CFAP221: variants seen among roughly 807,000 people sequenced by gnomAD.
The protein encoded by CFAP221 is cilia and flagella associated protein 221, also known as cilia- and flagella-associated protein 221.
A neutral mutation model predicts 113.1 loss-of-function variants in CFAP221; 97 were observed. The ratio of observed to expected loss-of-function variants is 0.86; its 90% confidence interval spans 0.73 to 1.02. The LOEUF is 1.02. CFAP221 is among the 50% of genes least tolerant of loss of function. The pLI is 0.00. For missense variants in CFAP221, 1,025 were observed against 1,013.4 expected (o/e 1.01, Z -0.16); for synonymous variants, 331 against 354.4 (o/e 0.93, Z 0.74).
At chr2:119,605,089 C>T in intron 10 of CFAP221, 92 bp from the exon 11 acceptor site, 1 of 1,443,430 alleles carries the variant, frequency 6.9e-7, no homozygotes. Flanking sequence ...AGTTAGATTG[C>T]TGTTATGCCT....
intron 21 of CFAP221, among the ~76,000 whole-genome samples, chr2:119,644,748 A>G (rs1239302107): frequency 1.3e-5 from 2 of 152,164 alleles, no homozygotes; most frequent in African/African-American, 4.8e-5. Context: ...AAACACACAT[A>G]TACATATCCA....
chr2:119,587,313 C>A, intron 7 of CFAP221, 91 bp downstream of exon 7: 2 of 850,936 alleles, frequency 2.4e-6, no homozygotes, highest in Non-Finnish European at 3.4e-6. Flanking sequence ...ATGAATTTTA[C>A]ACATAACTGA....
chr2:119,606,105 G>A (rs1316122229), intron 11 of CFAP221, among the ~76,000 whole-genome samples: 1 of 151,868 alleles, frequency 6.6e-6, no homozygotes, highest in Non-Finnish European at 1.5e-5. Context: ...CCAGCCTAAA[G>A]TGATCCTCCC....
intron 7 of CFAP221, among the ~76,000 whole-genome samples, chr2:119,597,089 A>G (rs1021804457): frequency 3.9e-5 from 6 of 152,214 alleles, no homozygotes; most frequent in African/African-American, 1.4e-4. Flanking sequence ...AATACACAAT[A>G]AATTGTTTCT....
intron 14 of CFAP221, among the ~76,000 whole-genome samples, chr2:119,619,922 G>A (rs2104727878): frequency 6.6e-6 from 1 of 152,226 alleles, no homozygotes; most frequent in South Asian, 2.1e-4. Context: ...GAAAAACACA[G>A]CACGAGAACT....
At chr2:119,629,243 T>C (rs1352690500) in intron 16 of CFAP221, among the ~76,000 whole-genome samples, 1 of 152,184 alleles carries the variant, frequency 6.6e-6, no homozygotes, top group African/African-American at 2.4e-5. Flanking sequence ...CCAGATCCTC[T>C]GGGTGTTTGA....
chr2:119,652,731 G>A (rs563561801), intron 23 of CFAP221, among the ~76,000 whole-genome samples: 1 of 152,080 alleles, frequency 6.6e-6, no homozygotes, highest in Non-Finnish European at 1.5e-5. Context: ...AAATTTTGAA[G>A]AATACTTTTT....
chr2:119,562,411 C>A (rs756994819), intron 6 of CFAP221, among the ~76,000 whole-genome samples: 3 of 152,176 alleles, frequency 2.0e-5, no homozygotes, highest in Non-Finnish European at 4.4e-5. Flanking sequence ...GAGCCTGACT[C>A]TCCCCATATC....
At chr2:119,656,208 C>G (rs113720874) in intron 23 of CFAP221, 154 bp from the exon 24 acceptor site, 3 of 608,530 alleles carry the variant, frequency 4.9e-6, no homozygotes, top group African/African-American at 1.8e-5. Context: ...AGTGTTTTCA[C>G]TGGTAAGTAA....
At chr2:119,586,866 TG>T (rs2104615941) in intron 6 of CFAP221, 2 of 347,548 alleles carry the variant, frequency 5.8e-6, no homozygotes, top group East Asian at 9.8e-5. Context: ...TCACCTTGTG[TG>T]GAACACTTAC....
intron 5 of CFAP221, among the ~76,000 whole-genome samples, chr2:119,561,116 C>A (rs752872792): frequency 1.7e-4 from 26 of 151,900 alleles, no homozygotes; most frequent in Non-Finnish European, 3.4e-4. Flanking sequence ...TGGTGAAACC[C>A]CATCTCTACT....
At chr2:119,602,583 T>C (rs1447169883) in intron 8 of CFAP221, 2 of 974,162 alleles carry the variant, frequency 2.1e-6, no homozygotes, top group Middle Eastern at 5.2e-4. Flanking sequence ...ATCTTAGATA[T>C]TTATATCATG....
chr2:119,632,453 T>C (rs990212839), intron 19 of CFAP221, among the ~76,000 whole-genome samples: 1 of 152,122 alleles, frequency 6.6e-6, no homozygotes, highest in Non-Finnish European at 1.5e-5. Context: ...TGATGAACAC[T>C]ATCAGCAAGT....
intron 13 of CFAP221, among the ~76,000 whole-genome samples, chr2:119,614,235 C>A (rs986085352): frequency 1.3e-5 from 2 of 152,376 alleles, no homozygotes; most frequent in South Asian, 2.1e-4. Flanking sequence ...TAGGAAGCTC[C>A]AAACTTTCCC....
chr2:119,549,803 AG>A (rs1209144911), intron 3 of CFAP221, among the ~76,000 whole-genome samples: 1 of 152,210 alleles, frequency 6.6e-6, no homozygotes, highest in African/African-American at 2.4e-5. Flanking sequence ...ACTGAAGAAC[AG>A]GCTCCTGAAG....
chr2:119,612,624 C>G (rs1352985779), intron 13 of CFAP221, among the ~76,000 whole-genome samples: 1 of 152,194 alleles, frequency 6.6e-6, no homozygotes, highest in African/African-American at 2.4e-5. Flanking sequence ...CCATATCATT[C>G]TGCCTCTGGC....
chr2:119,633,993 A>T (rs1457745933), intron 19 of CFAP221, among the ~76,000 whole-genome samples: 1 of 152,226 alleles, frequency 6.6e-6, no homozygotes, highest in Non-Finnish European at 1.5e-5. Context: ...CTATAGTCCT[A>T]GCTACTTGGG....
intron 7 of CFAP221, among the ~76,000 whole-genome samples, chr2:119,596,375 G>A (rs975039552): frequency 2.6e-5 from 4 of 152,168 alleles, no homozygotes; most frequent in Admixed American, 1.3e-4. Context: ...TGCTGTCTCC[G>A]CGATGTTAGG....
Position 119,630,875 on chromosome 2 carries a change from C to G in CFAP221, c.1948C>G (p.Leu650Val). ...ACCACCTGAGGCCTTAGCCATGTCT[C>G]TAGATTATGATCCTCTGTATGTTTT... ...MKPPEALAMS[L>V]DYDPLYVFNP... is the part of the protein sequence containing the mutation. The change falls in exon 19 of 24, where the codon CTA (leucine) becomes GTA (valine). Residue 650 changes from leucine (L) to valine (V), a missense_variant. Coordinates refer to ENST00000413369, the MANE Select transcript of CFAP221 (RefSeq NM_001271049.2). 1.2e-6 allele frequency: 2 copies of G among 1,613,796 alleles called. No individual in the cohort carries two copies. Among genetic ancestry groups the G allele is most frequent in the East Asian group, 2.2e-5 (1 of 44,872 alleles).
Sources: allele counts gnomAD v4.1 joint callset (sites outside exome capture counted in the v4.1 genomes callset), GRCh38; gene constraint gnomAD v4.1.1; transcripts MANE v1.5; gene names NCBI Gene and HGNC (gene_info 2026-07-23, HGNC 2026-07-21).